The following AMOT variants were observed in gnomAD, a reference collection of about 807,000 sequenced individuals.
AMOT encodes angiomotin.
In AMOT, 11 loss-of-function variants were observed where a neutral mutation model predicts 67.0. That is an observed-to-expected ratio of 0.16 (90% CI 0.10 to 0.27). The LOEUF is 0.27. AMOT is among the 10% of genes least tolerant of loss of function. The pLI is 1.00. For synonymous variants in AMOT, 326 were observed against 321.4 expected, an observed-to-expected ratio of 1.01 and a Z score of -0.15; for missense variants, 753 against 852.0, an observed-to-expected ratio of 0.88 and a Z score of 1.45.
Position 112,781,007 on chromosome X carries a change from T to C in AMOT, c.2352A>G (p.Pro784=). 1 of 1,212,130 alleles carries C rather than the reference T, an allele frequency of 8.2e-7. No homozygotes were observed. Among genetic ancestry groups the C allele is most frequent in the Non-Finnish European group, 1.1e-6 (1 of 895,619 alleles). The part of the protein sequence containing the change: ...SKTEQLSCMR[P]AKSLMSISNA... ...TGGAAATGGACATCAGAGACTTCGC[T>C]GGCCGCATGCACGACAGCTGCTCTG... Residue 784 remains proline (P), a synonymous_variant, in exon 12 of 14, where the codon CCA becomes CCG. Coordinates refer to ENST00000371959, the MANE Select transcript of AMOT (RefSeq NM_001113490.2).
rs1025852425 is a variant in AMOT at position 112,815,902 on chromosome X, G to A, written c.873-25C>T. 9 of 1,152,402 alleles carry A rather than the reference G, an allele frequency of 7.8e-6. No individual in the cohort carries two copies. In the South Asian group the frequency reaches 8.0e-5, roughly 10 times the overall value. 95.0% of individuals were successfully genotyped at this position (1,152,402 alleles called of 1,213,427 possible). A position where few individuals can be genotyped will look rare whatever the true frequency, so the allele number is the denominator to read the frequency against. Reference sequence around the variant, plus strand: ...CCTGTAAAACATGAAGGGCAGGTGCGGGTTAATTTCTCTCCTAAGGCACTG... The same window carrying A: ...CCTGTAAAACATGAAGGGCAGGTGCAGGTTAATTTCTCTCCTAAGGCACTG... On this transcript the variant is annotated intron_variant, in intron 4 of 13. Transcript: ENST00000371959.
intron 8 of AMOT, among the ~76,000 whole-genome samples, chrX:112,795,785 C>T (rs183357009): frequency 1.2e-4 from 13 of 110,935 alleles, no homozygotes; most frequent in Non-Finnish European, 2.1e-4. Context: ...AAAATTTCAC[C>T]TGAAAAAACA....
Position 112,778,852 on chromosome X carries a change from C to A in AMOT, c.3157+145G>T, listed in dbSNP as rs1933009266. 1.1e-5 allele frequency: 8 copies of A among 728,653 alleles called. No homozygotes were observed. The East Asian group carries it at 2.2e-4, about 20-fold the overall frequency. 60.0% of individuals were successfully genotyped at this position (728,653 alleles called of 1,213,427 possible). A position where few individuals can be genotyped will look rare whatever the true frequency, so the allele number is the denominator to read the frequency against. ...GTTCCCATCTTGGTGGATGAGAAGT[C>A]ATTTACAGACTCTCTTCTCTCTCCT... On this transcript the variant is annotated intron_variant, in intron 13 of 13. Coordinates refer to ENST00000371959, the MANE Select transcript of AMOT (RefSeq NM_001113490.2).
rs145946132 is a variant in AMOT, at chrX:112,819,639, A to G, written c.872+2616T>C. ...AAGACAAAGATTCTGAAATTTTAAA[A>G]TTATTCAGATAGCCTTTGCCTTGTT... On this transcript the variant is annotated intron_variant, in intron 4 of 13. Coordinates refer to ENST00000371959, the MANE Select transcript of AMOT (RefSeq NM_001113490.2). 8.9e-3 allele frequency among the ~76,000 whole-genome samples: 1,005 copies of G among 112,627 alleles called. 21 individuals are homozygous for G. Among genetic ancestry groups the G allele is most frequent in the African/African-American group, 0.031 (956 of 31,025 alleles).
intron 8 of AMOT, among the ~76,000 whole-genome samples, chrX:112,799,887 G>A (rs1933955892): frequency 8.9e-6 from 1 of 111,781 alleles, no homozygotes; most frequent in Admixed American, 9.5e-5. Flanking sequence ...CTCTATTTGG[G>A]GGTAGACATA....
Position 112,778,515 on chromosome X carries a change from A to G in AMOT, c.*52T>C. ...CAAAACAAGAACCAATAAAAGGGGG[A>G]AAATGATTAAAAGCATTTTTGCTGA... On this transcript the variant is annotated 3_prime_UTR_variant, in exon 14 of 14. Coordinates refer to ENST00000371959, the MANE Select transcript of AMOT (RefSeq NM_001113490.2). The G allele has an allele frequency of 9.2e-7, 1 of 1,087,943 alleles. No individual in the cohort carries two copies. Among genetic ancestry groups the G allele is most frequent in the Non-Finnish European group, 1.3e-6 (1 of 794,228 alleles). 89.7% of individuals were successfully genotyped at this position (1,087,943 alleles called of 1,213,427 possible).
chrX:112,817,643 G>A (rs915347655), intron 4 of AMOT, among the ~76,000 whole-genome samples: 4 of 111,920 alleles, frequency 3.6e-5, no homozygotes, highest in Non-Finnish European at 7.5e-5. Flanking sequence ...GGATTCTGTC[G>A]CTCAGGCCCA....
chrX:112,818,793 C>T (rs1039512441), intron 4 of AMOT, among the ~76,000 whole-genome samples: 1 of 111,417 alleles, frequency 9.0e-6, no homozygotes, highest in Non-Finnish European at 1.9e-5. Flanking sequence ...GCCATGTGAG[C>T]AGCACACTCT....
chrX:112,822,050 C>G (rs768861440), intron 4 of AMOT, among the ~76,000 whole-genome samples: 37 of 112,544 alleles, frequency 3.3e-4, no homozygotes, highest in South Asian at 1.5e-3. Flanking sequence ...ACCTACAAAG[C>G]TAAGGGATTG....
chrX:112,821,289 C>T (rs1934709529), intron 4 of AMOT, among the ~76,000 whole-genome samples: 1 of 111,638 alleles, frequency 9.0e-6, no homozygotes, highest in South Asian at 3.8e-4. Context: ...GGTCACCCAT[C>T]ATTACTCATG....
chrX:112,781,911 C>T (rs1447519205), intron 11 of AMOT, among the ~76,000 whole-genome samples: 2 of 111,533 alleles, frequency 1.8e-5, no homozygotes, highest in African/African-American at 3.3e-5. Context: ...GTTGTTGAGA[C>T]GGACTCTAGC....
intron 8 of AMOT, among the ~76,000 whole-genome samples, chrX:112,800,511 G>T (rs1203448995): frequency 8.9e-6 from 1 of 111,890 alleles, no homozygotes; most frequent in African/African-American, 3.2e-5. Context: ...CACTGGGTAA[G>T]ATTTACCTTC....
chrX:112,829,038 C>A (rs1934917008), intron 2 of AMOT, among the ~76,000 whole-genome samples: 1 of 111,994 alleles, frequency 8.9e-6, no homozygotes, highest in Admixed American at 9.5e-5. Context: ...CAACATGAAC[C>A]TCCACAGATG....
Position 112,811,257 on chromosome X carries a change from T to C in AMOT, c.1529A>G (p.Asp510Gly). Reference protein sequence around the residue: ...EIRRMHDFNRDLRERLETANK... With the variant: ...EIRRMHDFNRGLRERLETANK... The stretch of plus-strand genomic sequence containing the variant: ...TCTGTTGGTTCCCTCACCTCTCAGA[T>C]CCCTGTTGAAATCATGCATCCTCCG... Residue 510 changes from aspartate to glycine, a missense_variant, in exon 6 of 14, where the codon GAT becomes GGT. Physicochemically the swap from Asp to Gly is moderately conservative, Grantham distance 94. Around this residue, in one of 5 missense-constraint regions of AMOT, gnomAD observed 297 missense variants for 284.3 expected, o/e 1.04. Transcript: ENST00000371959. 1.7e-6 allele frequency: 2 copies of C among 1,211,047 alleles called. No homozygotes were observed. Among genetic ancestry groups the C allele is most frequent in the Non-Finnish European group, 2.2e-6 (2 of 895,141 alleles).
chrX:112,806,414 T>C (rs1047509488), intron 7 of AMOT, among the ~76,000 whole-genome samples: 2 of 106,172 alleles, frequency 1.9e-5, no homozygotes, highest in Non-Finnish European at 3.9e-5. Flanking sequence ...TATGTGTGTA[T>C]ATAAATACTT....
chrX:112,794,309 G>C (rs765750606), intron 8 of AMOT, among the ~76,000 whole-genome samples: 8 of 111,813 alleles, frequency 7.2e-5, no homozygotes, highest in African/African-American at 2.6e-4. Context: ...GGAGTTCTCC[G>C]AGTTGGCTAA....
intron 8 of AMOT, among the ~76,000 whole-genome samples, chrX:112,793,764 A>G (rs1370712286): frequency 8.9e-6 from 1 of 112,215 alleles, no homozygotes; most frequent in Non-Finnish European, 1.9e-5. Flanking sequence ...TTTATCCATT[A>G]GAACTTTTCC....
intron 8 of AMOT, among the ~76,000 whole-genome samples, chrX:112,797,898 G>GAGAA (rs546026722): frequency 1.8e-3 from 196 of 109,555 alleles, no homozygotes; most frequent in South Asian, 5.2e-3. Flanking sequence ...GAGAGAAAGA[G>GAGAA]AGAAAGAAAG....
intron 8 of AMOT, among the ~76,000 whole-genome samples, chrX:112,804,234 C>T (rs770528238): frequency 8.1e-5 from 9 of 111,553 alleles, no homozygotes; most frequent in Admixed American, 1.9e-4. Context: ...CATTCCTCCA[C>T]GTAACTATTT....
Sources: allele counts gnomAD v4.1 joint callset (sites outside exome capture counted in the v4.1 genomes callset), GRCh38; gene constraint gnomAD v4.1.1; regional missense constraint gnomAD v4.1.1; transcripts MANE v1.5; gene names NCBI Gene and HGNC (gene_info 2026-07-23, HGNC 2026-07-21).